The following CD80 variants were observed in gnomAD, a reference collection of about 807,000 sequenced individuals.
CD80 encodes the protein CD80 molecule.
CD80 carries 13 observed loss-of-function variants against 27.1 expected under a neutral mutation model. The observed-to-expected ratio is 0.48, with a 90% CI of 0.31 to 0.76. CD80 has a LOEUF of 0.76. Ranked by LOEUF, CD80 falls within the 30% of genes least tolerant of loss-of-function variation. The pLI, the probability that CD80 is intolerant of heterozygous loss-of-function variation, is 0.04. For missense variants in CD80, 277 were observed against 347.9 expected (o/e 0.80, Z 1.62); for synonymous variants, 125 against 125.5 (o/e 1.00, Z 0.03).
At chr3:119,538,989 C>A (rs758511505) in intron 3 of CD80, among the ~76,000 whole-genome samples, 1 of 152,156 alleles carries the variant, frequency 6.6e-6, no homozygotes. Context: ...TTTTAATTTG[C>A]ATATTTATTT....
At chr3:119,552,218 G>T (rs922681677) in intron 2 of CD80, among the ~76,000 whole-genome samples, 2 of 152,198 alleles carry the variant, frequency 1.3e-5, no homozygotes, top group Non-Finnish European at 2.9e-5. Flanking sequence ...GCCGGGCGTG[G>T]TGGCTCACGC....
rs565172364 is a variant in CD80, at chr3:119,543,171, A to G, written c.418+1379T>C. On this transcript the variant is annotated intron_variant, in intron 3 of 6. Coordinates refer to ENST00000264246, the MANE Select transcript of CD80 (RefSeq NM_005191.4). ...TAAAACTCCGGTCTCCCGCACAGCC[A>G]GTTGTGCGTAAATTACTCTCTCTAT... Among the ~76,000 whole-genome samples, 11 of 152,342 alleles carry G rather than the reference A, an allele frequency of 7.2e-5. No homozygotes were observed. In the East Asian group the frequency reaches 1.9e-3, roughly 27 times the overall value.
intron 2 of CD80, among the ~76,000 whole-genome samples, chr3:119,553,937 C>G (rs533107463): frequency 2.6e-5 from 4 of 152,286 alleles, no homozygotes; most frequent in East Asian, 1.9e-4. Context: ...GAACTAGCAC[C>G]GACAGGGCTG....
chr3:119,530,979 A>G (rs2082106744), intron 4 of CD80, among the ~76,000 whole-genome samples: 1 of 152,252 alleles, frequency 6.6e-6, no homozygotes, highest in Admixed American at 6.5e-5. Flanking sequence ...ATGCTGGTAG[A>G]ATTTCACAGT....
rs756594891 is a variant in CD80, at chr3:119,544,871, T to A, written c.101-4A>T. ...TCCTTGGTCACGTGGATAACACCTA[T>A]GGAGAGGCAAACAGAACAAGATTGT... On this transcript the variant is annotated splice_polypyrimidine_tract_variant and splice_region_variant and intron_variant, in intron 2 of 6. Coordinates refer to ENST00000264246, the MANE Select transcript of CD80 (RefSeq NM_005191.4). 17 of 1,611,488 alleles carry A rather than the reference T, an allele frequency of 1.1e-5. No individual in the cohort carries two copies. Among genetic ancestry groups the A allele is most frequent in the Admixed American group, 3.3e-5 (2 of 59,856 alleles).
chr3:119,527,963 C>T lies in CD80; in HGVS notation c.797-122G>A, dbSNP rs563971489. The T allele has an allele frequency of 2.5e-4, 200 of 802,242 alleles. No individual in the cohort carries two copies. The African/African-American group carries it at 3.2e-3, about 13-fold the overall frequency. The allele number at this position is 802,242 out of a possible 1,614,324, so 49.7% of individuals were successfully genotyped here. On this transcript the variant is annotated intron_variant, in intron 5 of 6. Transcript: ENST00000264246. Reference sequence around the variant, plus strand: ...TAGAACTGGAGCAGTTGTTCTTATACCAGGGGTGATTTACAATGCTCCCTC... The same window carrying T: ...TAGAACTGGAGCAGTTGTTCTTATATCAGGGGTGATTTACAATGCTCCCTC...
At chr3:119,539,719 C>T (rs1258676562) in intron 3 of CD80, among the ~76,000 whole-genome samples, 1 of 151,892 alleles carries the variant, frequency 6.6e-6, no homozygotes, top group Non-Finnish European at 1.5e-5. Flanking sequence ...AGCTTCTTAG[C>T]ATGAATGTAG....
chr3:119,555,905 G>A (rs968011542), intron 2 of CD80, among the ~76,000 whole-genome samples: 4 of 152,196 alleles, frequency 2.6e-5, no homozygotes, highest in Admixed American at 6.5e-5. Flanking sequence ...TGTCCAGGCT[G>A]TTGCCCTGAC....
At chr3:119,537,526 G>A in intron 3 of CD80, 108 bp from the exon 4 acceptor site, 1 of 771,070 alleles carries the variant, frequency 1.3e-6, no homozygotes, top group Non-Finnish European at 2.0e-6. Flanking sequence ...TAAAGGCCAG[G>A]TGCAGTGGCT....
In CD80 at chr3:119,538,944, C is replaced by A. The variant is rs543182111; in HGVS notation, c.419-1526G>T. On this transcript the variant is annotated intron_variant, in intron 3 of 6. Transcript: ENST00000264246. ...TTGCTTCTACTGAGTCTCACCAACA[C>A]CCCATACCCCAAAAAAACACCCATG... Among the ~76,000 whole-genome samples, 300 of 152,212 alleles carry A rather than the reference C, an allele frequency of 2.0e-3. 1 individual carries two copies. Among genetic ancestry groups the A allele is most frequent in the Middle Eastern group, 3.4e-3 (1 of 294 alleles).
intron 2 of CD80, among the ~76,000 whole-genome samples, chr3:119,550,069 G>T (rs1248054917): frequency 6.6e-6 from 1 of 152,126 alleles, no homozygotes; most frequent in African/African-American, 2.4e-5. Context: ...TAAATAAAAA[G>T]TCCCAAGGAC....
Position 119,557,649 on chromosome 3 carries a change from C to G in CD80, c.80G>C (p.Gly27Ala). ...LNFFQLLVLA[G>A]LSHFCSGVIH... ...CTTACCTGAACAGAAGTGAGAAAGA[C>G]CAGCCAGCACCAAGAGCTGAAAGAA... The change falls in exon 2 of 7, where the codon GGT (glycine) becomes GCT (alanine). Residue 27 changes from glycine (G) to alanine (A), a missense_variant. Physicochemically the swap from Gly to Ala is moderately conservative, Grantham distance 60. Transcript: ENST00000264246. 1 of 1,613,372 alleles carries G rather than the reference C, an allele frequency of 6.2e-7. No homozygotes were observed. Among genetic ancestry groups the G allele is most frequent in the Non-Finnish European group, 8.5e-7 (1 of 1,179,610 alleles).
chr3:119,553,842 G>T (rs1042166287), intron 2 of CD80, among the ~76,000 whole-genome samples: 3 of 152,240 alleles, frequency 2.0e-5, no homozygotes, highest in Non-Finnish European at 4.4e-5. Flanking sequence ...GTCACCTATT[G>T]TCTCACCACC....
chr3:119,524,411 A>G lies in CD80; in HGVS notation c.*1377T>C, dbSNP rs895509329. Reference sequence around the variant, plus strand: ...AGTCATCACAACTGTTACTAAATGGAAAAGAAAAGAATTATTGAGTTAAGT... The same window carrying G: ...AGTCATCACAACTGTTACTAAATGGGAAAGAAAAGAATTATTGAGTTAAGT... On this transcript the variant is annotated 3_prime_UTR_variant, in exon 7 of 7. Transcript: ENST00000264246. The G allele has an allele frequency of 6.6e-6, 1 of 152,250 alleles. No individual in the cohort carries two copies. Among genetic ancestry groups the G allele is most frequent in the African/African-American group, 2.4e-5 (1 of 41,468 alleles). 9.4% of individuals were successfully genotyped at this position (152,250 alleles called of 1,614,324 possible). A position where few individuals can be genotyped will look rare whatever the true frequency, so the allele number is the denominator to read the frequency against.
At position 119,544,713 on chromosome 3, in the gene CD80, G is replaced by A. The variant is rs764862930; in HGVS notation, c.255C>T (p.Pro85=). The A allele has an allele frequency of 3.0e-5, 48 of 1,613,924 alleles. No individual in the cohort carries two copies. The highest frequency in any genetic ancestry group is 8.0e-5 in the African/African-American group (6 of 74,886). The change falls in exon 3 of 7, where the codon CCC becomes CCT. Residue 85 remains proline, a synonymous_variant. Coordinates refer to ENST00000264246, the MANE Select transcript of CD80 (RefSeq NM_005191.4). Reference sequence around the variant, plus strand: ...CAAAGATGGTCCGGTTCTTGTACTCGGGCCATATATTCATGTCCCCAGACA... The same window carrying A: ...CAAAGATGGTCCGGTTCTTGTACTCAGGCCATATATTCATGTCCCCAGACA... ...TMMSGDMNIW[P]EYKNRTIFDI... is the part of the protein sequence containing the mutation.
intron 2 of CD80, among the ~76,000 whole-genome samples, chr3:119,547,965 ATCTT>A (rs958346768): frequency 6.0e-5 from 9 of 149,934 alleles, no homozygotes; most frequent in African/African-American, 1.7e-4. Context: ...AAGACGACAC[ATCTT>A]TCTTTCTTTT....
In CD80 at chr3:119,524,325, C is replaced by G. The variant is rs1254328002; in HGVS notation, c.*1463G>C. Reference sequence around the variant, plus strand: ...AGAAACGGTTCAACTTTGTTTCTTCCCTTAGTATTGCTGACAAAGTATCTG... The same window carrying G: ...AGAAACGGTTCAACTTTGTTTCTTCGCTTAGTATTGCTGACAAAGTATCTG... On this transcript the variant is annotated 3_prime_UTR_variant, in exon 7 of 7. Transcript: ENST00000264246. 3 of 152,188 alleles carry G rather than the reference C, an allele frequency of 2.0e-5. No individual in the cohort carries two copies. Among genetic ancestry groups the G allele is most frequent in the Admixed American group, 2.0e-4 (3 of 15,274 alleles). 9.4% of individuals were successfully genotyped at this position (152,188 alleles called of 1,614,324 possible). A position where few individuals can be genotyped will look rare whatever the true frequency, so the allele number is the denominator to read the frequency against.
At chr3:119,535,221 C>T (rs2082130625) in intron 4 of CD80, among the ~76,000 whole-genome samples, 1 of 151,572 alleles carries the variant, frequency 6.6e-6, no homozygotes. Context: ...TGCTGTAACA[C>T]TGAAAGATCT....
chr3:119,537,468 G>T, intron 3 of CD80, 50 bp from the exon 4 acceptor site: 2 of 1,227,332 alleles, frequency 1.6e-6, no homozygotes, highest in Non-Finnish European at 2.3e-6. Context: ...AAACCTATGT[G>T]TGTAGAGGTT....
Sources: allele counts gnomAD v4.1 joint callset (sites outside exome capture counted in the v4.1 genomes callset), GRCh38; gene constraint gnomAD v4.1.1; transcripts MANE v1.5; gene names NCBI Gene and HGNC (gene_info 2026-07-23, HGNC 2026-07-21).